NOL4: variants seen among roughly 807,000 people sequenced by gnomAD.
The protein encoded by NOL4 is cancer/testis antigen 125.
NOL4 carries 17 observed loss-of-function variants against 75.9 expected under a neutral mutation model. That is an observed-to-expected ratio of 0.22 (90% CI 0.15 to 0.34). The LOEUF (loss-of-function observed/expected upper bound fraction) is 0.34, where lower values mean the gene tolerates loss of function less well. NOL4 is among the 10% of genes least tolerant of loss of function. The pLI is 1.00. For synonymous variants in NOL4, 292 were observed against 289.9 expected (o/e 1.01, Z -0.07); for missense variants, 614 against 793.5 (o/e 0.77, Z 2.72).
intron 6 of NOL4, among the ~76,000 whole-genome samples, chr18:34,016,821 C>T (rs1260067999): frequency 1.3e-5 from 2 of 152,130 alleles, no homozygotes; most frequent in African/African-American, 4.8e-5. Context: ...AGGAATCTTG[C>T]TCTTCTCATT....
chr18:33,924,818 C>G (rs1486337254), intron 9 of NOL4, among the ~76,000 whole-genome samples: 1 of 152,054 alleles, frequency 6.6e-6, no homozygotes, highest in Non-Finnish European at 1.5e-5. Context: ...ATTTTGTGGA[C>G]TAATATTTGA....
chr18:34,138,996 T>C (rs1369083742), intron 1 of NOL4, among the ~76,000 whole-genome samples: 1 of 152,220 alleles, frequency 6.6e-6, no homozygotes, highest in African/African-American at 2.4e-5. Flanking sequence ...TTTGCATATG[T>C]TGAAGCAGCC....
At chr18:34,107,174 T>A (rs1374525948) in intron 2 of NOL4, among the ~76,000 whole-genome samples, 2 of 152,146 alleles carry the variant, frequency 1.3e-5, no homozygotes, top group Admixed American at 1.3e-4. Flanking sequence ...ATCATTGACC[T>A]GAATCAATCC....
intron 1 of NOL4, chr18:34,221,991 C>T (rs1028007951): frequency 6.6e-7 from 1 of 1,515,462 alleles, no homozygotes; most frequent in Non-Finnish European, 8.8e-7. Context: ...AGATAGCCTC[C>T]CCCATCCCTA....
chr18:34,162,721 C>A (rs1028905683), intron 1 of NOL4, among the ~76,000 whole-genome samples: 6 of 152,152 alleles, frequency 3.9e-5, no homozygotes, highest in South Asian at 2.1e-4. Context: ...AAAAGAGGGA[C>A]TCCTCCCTAA....
chr18:33,976,704 T>C (rs964984902), intron 6 of NOL4, among the ~76,000 whole-genome samples: 11 of 152,188 alleles, frequency 7.2e-5, no homozygotes, highest in Non-Finnish European at 1.2e-4. Context: ...TATCTCATAT[T>C]TATAGAACTA....
At chr18:34,007,790 A>G (rs2074120625) in intron 6 of NOL4, among the ~76,000 whole-genome samples, 2 of 151,944 alleles carry the variant, frequency 1.3e-5, no homozygotes, top group South Asian at 2.1e-4. Flanking sequence ...TACGTGTAGT[A>G]TAGTTGTATC....
chr18:33,900,307 T>C (rs1027135814), intron 9 of NOL4, among the ~76,000 whole-genome samples: 1 of 152,072 alleles, frequency 6.6e-6, no homozygotes, highest in Non-Finnish European at 1.5e-5. Context: ...AGGACAGCAC[T>C]AAGCAATTCA....
chr18:33,900,639 A>T (rs544630697), intron 9 of NOL4, among the ~76,000 whole-genome samples: 30 of 152,314 alleles, frequency 2.0e-4, no homozygotes, highest in East Asian at 7.7e-4. Flanking sequence ...ACAGGTTTTT[A>T]AAAAAATTAA....
At chr18:34,208,641 A>G (rs2036289979) in intron 1 of NOL4, among the ~76,000 whole-genome samples, 1 of 152,024 alleles carries the variant, frequency 6.6e-6, no homozygotes, top group African/African-American at 2.4e-5. Flanking sequence ...TGGATCACCT[A>G]AGGTCAGGAG....
chr18:34,045,883 T>C (rs2076340478), intron 5 of NOL4, among the ~76,000 whole-genome samples: 1 of 152,180 alleles, frequency 6.6e-6, no homozygotes, highest in Admixed American at 6.5e-5. Flanking sequence ...TCTCTTGTGC[T>C]GAATAACATT....
At chr18:33,932,743 G>A (rs1394760067) in intron 9 of NOL4, among the ~76,000 whole-genome samples, 2 of 151,960 alleles carry the variant, frequency 1.3e-5, no homozygotes, top group Non-Finnish European at 2.9e-5. Flanking sequence ...CATGAGGATT[G>A]GATCAAAATG....
At chr18:33,947,226 G>A (rs943214195) in intron 8 of NOL4, among the ~76,000 whole-genome samples, 4 of 151,780 alleles carry the variant, frequency 2.6e-5, no homozygotes, top group African/African-American at 9.7e-5. Flanking sequence ...CTAGTGTTTA[G>A]TACGTGCTCT....
At chr18:34,190,088 G>A (rs139003811) in intron 1 of NOL4, among the ~76,000 whole-genome samples, 123 of 144,142 alleles carry the variant, frequency 8.5e-4, no homozygotes, top group Admixed American at 1.9e-3. Context: ...ACACACACAC[G>A]CATATATATG....
intron 2 of NOL4, among the ~76,000 whole-genome samples, chr18:34,121,799 A>G (rs537871895): frequency 6.6e-6 from 1 of 152,280 alleles, no homozygotes; most frequent in East Asian, 1.9e-4. Context: ...TGTTCTCACT[A>G]GGTGACTTTT....
chr18:34,042,208 C>A (rs1183266917), intron 5 of NOL4, among the ~76,000 whole-genome samples: 1 of 151,924 alleles, frequency 6.6e-6, no homozygotes, highest in Non-Finnish European at 1.5e-5. Context: ...TCTCTGCAAC[C>A]CATTCAATCA....
At chr18:34,038,456 T>A (rs533312302) in intron 5 of NOL4, among the ~76,000 whole-genome samples, 1 of 152,156 alleles carries the variant, frequency 6.6e-6, no homozygotes, top group Non-Finnish European at 1.5e-5. Flanking sequence ...GTAGCACTAT[T>A]CAAAATAGCA....
intron 10 of NOL4, among the ~76,000 whole-genome samples, chr18:33,880,473 T>C (rs1440570876): frequency 1.3e-5 from 2 of 152,082 alleles, no homozygotes; most frequent in Non-Finnish European, 2.9e-5. Context: ...TTTCTGACTT[T>C]AGACTCCTTT....
chr18:34,200,299 G>A (rs561736256), intron 1 of NOL4, among the ~76,000 whole-genome samples: 3 of 151,828 alleles, frequency 2.0e-5, no homozygotes, highest in South Asian at 4.1e-4. Context: ...CAAACAAAAC[G>A]TGCCTCATAA....
Sources: allele counts gnomAD v4.1 joint callset (sites outside exome capture counted in the v4.1 genomes callset), GRCh38; gene constraint gnomAD v4.1.1; transcripts MANE v1.5; gene names NCBI Gene and HGNC (gene_info 2026-07-23, HGNC 2026-07-21).